The following C1S variants were observed in gnomAD, a reference collection of about 807,000 sequenced individuals.
C1S encodes the protein complement C1s.
In C1S, 31 loss-of-function variants were observed where a neutral mutation model predicts 54.0. The observed-to-expected ratio is 0.57, with a 90% CI of 0.43 to 0.78. The LOEUF (loss-of-function observed/expected upper bound fraction) is 0.78, where lower values mean the gene tolerates loss of function less well. Ranked by LOEUF, C1S falls within the 30% of genes least tolerant of loss-of-function variation. C1S has a pLI of 0.00. For synonymous variants in C1S, 292 were observed against 303.6 expected (o/e 0.96, Z 0.40); for missense variants, 727 against 851.8 (o/e 0.85, Z 1.82).
chr12:7,068,054 G>C (rs1442515654), intron 10 of C1S, among the ~76,000 whole-genome samples: 1 of 152,166 alleles, frequency 6.6e-6, no homozygotes, highest in South Asian at 2.1e-4. Context: ...CTTTTGACCA[G>C]TTATTTCATG....
At chr12:7,065,740 T>A in intron 6 of C1S, 77 bp from the exon 7 acceptor site, 1 of 1,206,698 alleles carries the variant, frequency 8.3e-7, no homozygotes, top group South Asian at 1.2e-5. Flanking sequence ...ATGCCTCTTT[T>A]ATTTGTATCT....
At position 7,065,977 on chromosome 12, in the gene C1S, A is replaced by G. The variant is rs1555162157; in HGVS notation, c.871+7A>G. On this transcript the variant is annotated splice_region_variant and intron_variant, in intron 7 of 11. Transcript: ENST00000360817. ...CTTCGCTATCATGGAGATCGTGAGTAACTTAGAAGTGCCTCTTTGGTTGGT... is the reference window on the plus strand; with the variant it reads ...CTTCGCTATCATGGAGATCGTGAGTGACTTAGAAGTGCCTCTTTGGTTGGT... The G allele has an allele frequency of 6.2e-7, 1 of 1,613,306 alleles. No individual in the cohort carries two copies. Among genetic ancestry groups the G allele is most frequent in the African/African-American group, 1.3e-5 (1 of 74,908 alleles).
Position 7,070,339 on chromosome 12 carries a change from A to G in C1S, c.1755A>G (p.Ala585=). The part of the protein sequence containing the change: ...KRDRAVRLKA[A]RLPVAPLRKC... ...ATCGTGCTGTTCGCCTCAAGGCGGCAAGGTTACCTGTAGCTCCTTTAAGAA... is the reference window on the plus strand; with the variant it reads ...ATCGTGCTGTTCGCCTCAAGGCGGCGAGGTTACCTGTAGCTCCTTTAAGAA... The change falls in exon 12 of 12, where the codon GCA becomes GCG. Residue 585 remains alanine (A), a synonymous_variant. Transcript: ENST00000360817. The surrounding 1 kb of genome is among the most constrained non-coding windows in gnomAD (Gnocchi z 4.9). 6.2e-7 allele frequency: 1 copy of G among 1,614,258 alleles called. No homozygotes were observed. The highest frequency in any genetic ancestry group is 1.3e-5 in the African/African-American group (1 of 75,072).
intron 9 of C1S, 171 bp downstream of exon 9, chr12:7,067,288 T>C (rs1555162429): frequency 2.9e-6 from 2 of 678,290 alleles, no homozygotes; most frequent in Non-Finnish European, 5.3e-6. Context: ...CCGCATCTGG[T>C]CCCAGGCCAA....
At chr12:7,069,809 A>G in intron 11 of C1S, 46 bp from the exon 12 acceptor site, 3 of 1,486,992 alleles carry the variant, frequency 2.0e-6, no homozygotes, top group Non-Finnish European at 2.8e-6. Flanking sequence ...GCAGGAAGCC[A>G]GCATCATTTC....
At chr12:7,067,305 C>T (rs1008843242) in intron 9 of C1S, 188 bp downstream of exon 9, 5 of 651,892 alleles carry the variant, frequency 7.7e-6, no homozygotes, top group Non-Finnish European at 1.4e-5. Context: ...CCAACTAGAT[C>T]GGCATGTTTC....
chr12:7,064,745 T>C (rs1555161829), intron 5 of C1S, among the ~76,000 whole-genome samples: 3 of 152,130 alleles, frequency 2.0e-5, no homozygotes, highest in African/African-American at 7.2e-5. Flanking sequence ...TATTGGCATC[T>C]ATTCTTAGTT....
intron 7 of C1S, 60 bp from the exon 8 acceptor site, chr12:7,066,458 A>G (rs1000056659): frequency 1.1e-6 from 1 of 929,072 alleles, no homozygotes; most frequent in Non-Finnish European, 1.8e-6. Flanking sequence ...TGTAAATAGA[A>G]TGAGAGTCTT....
chr12:7,065,968 A>C lies in C1S; in HGVS notation c.869A>C (p.Asp290Ala). Residue 290 changes from aspartate to alanine, a missense_variant and splice_region_variant, in exon 7 of 12, where the codon GAT becomes GCT. Asp to Ala is a moderately radical substitution (Grantham distance 126, BLOSUM62 -2). Around this residue, in one of 3 missense-constraint regions of C1S, gnomAD observed 357 missense variants for 365.4 expected, o/e 0.98. Coordinates refer to ENST00000360817, the MANE Select transcript of C1S (RefSeq NM_001734.5). ...GGCTGGAAACTTCGCTATCATGGAGATCGTGAGTAACTTAGAAGTGCCTCT... is the reference window on the plus strand; with the variant it reads ...GGCTGGAAACTTCGCTATCATGGAGCTCGTGAGTAACTTAGAAGTGCCTCT... The part of the protein sequence containing the change: ...KKGWKLRYHG[D>A]PMPCPKEDTP... 6.2e-7 allele frequency: 1 copy of C among 1,613,850 alleles called. No homozygotes were observed. The highest frequency in any genetic ancestry group is 2.2e-5 in the East Asian group (1 of 44,870).
intron 1 of C1S, chr12:7,061,609 A>G: frequency 4.2e-6 from 2 of 478,254 alleles, no homozygotes; most frequent in Non-Finnish European, 7.7e-6. Flanking sequence ...AAAAATTAGG[A>G]GAAAGTCTAG....
rs73046137 is a variant in C1S, at chr12:7,068,573, G to C, written c.1270+43G>C. The C allele has an allele frequency of 3.5e-3, 4,739 of 1,337,242 alleles. 16 individuals carry two copies. The highest frequency in any genetic ancestry group is 4.6e-3 in the Non-Finnish European group (4,292 of 927,920). The allele number at this position is 1,337,242 out of a possible 1,614,324, so 82.8% of individuals were successfully genotyped here. A position where few individuals can be genotyped will look rare whatever the true frequency, so the allele number is the denominator to read the frequency against. The stretch of plus-strand genomic sequence containing the variant: ...TTGGGGAGAGATGATAGCCATGGGT[G>C]ACTGGGAGTCACCTTCTGAAAGCAA... On this transcript the variant is annotated intron_variant, in intron 11 of 11. Transcript: ENST00000360817.
chr12:7,066,855 G>T, intron 8 of C1S, 184 bp from the exon 9 acceptor site: 1 of 708,256 alleles, frequency 1.4e-6, no homozygotes. Flanking sequence ...AAGGGGAGTT[G>T]ACACGTTGGG....
Position 7,064,395 on chromosome 12 carries a change from G to A in C1S, c.517+3G>A. On this transcript the variant is annotated splice_donor_region_variant and intron_variant, in intron 5 of 11. Transcript: ENST00000360817. ...TGATGACATGAAGAATTGCGGAGGTGAGCTTGGTGTTAAGAGGGTTGCATG... is the reference window on the plus strand; with the variant it reads ...TGATGACATGAAGAATTGCGGAGGTAAGCTTGGTGTTAAGAGGGTTGCATG... 1.2e-6 allele frequency: 2 copies of A among 1,614,104 alleles called. No homozygotes were observed. Among genetic ancestry groups the A allele is most frequent in the Non-Finnish European group, 1.7e-6 (2 of 1,179,992 alleles).
intron 11 of C1S, among the ~76,000 whole-genome samples, chr12:7,069,408 T>C (rs1417771421): frequency 1.3e-5 from 2 of 152,164 alleles, no homozygotes; most frequent in Non-Finnish European, 2.9e-5. Context: ...AAGAAGGTGA[T>C]TAAAGTTTGA....
chr12:7,067,431 A>G, intron 9 of C1S: 2 of 714,702 alleles, frequency 2.8e-6, no homozygotes, highest in East Asian at 2.5e-5. Flanking sequence ...TACGGCTTTC[A>G]TGGGGCCATC....
rs1937839888 is a variant in C1S, at chr12:7,070,879, T to G, written c.*228T>G. 1 of 570,268 alleles carries G rather than the reference T, an allele frequency of 1.8e-6. No individual in the cohort carries two copies. The highest frequency in any genetic ancestry group is 2.9e-5 in the Admixed American group (1 of 34,854). 35.3% of individuals were successfully genotyped at this position (570,268 alleles called of 1,614,324 possible). A position where few individuals can be genotyped will look rare whatever the true frequency, so the allele number is the denominator to read the frequency against. On this transcript the variant is annotated 3_prime_UTR_variant, in exon 12 of 12. Coordinates refer to ENST00000360817, the MANE Select transcript of C1S (RefSeq NM_001734.5). This position sits in a 1 kb window ranked among gnomAD's most constrained non-coding sequence, Gnocchi z 4.9. Reference sequence around the variant, plus strand: ...GGGGTCCTTTCCCCGGAGTACCTATTGTAGATAACACTATGGGTGGGGCAC... The same window carrying G: ...GGGGTCCTTTCCCCGGAGTACCTATGGTAGATAACACTATGGGTGGGGCAC...
rs1947167978 is a variant in C1S, at chr12:7,065,857, A to G, written c.758A>G (p.His253Arg). ...CGGCAATTTGGTCCTTACTGTGGTC[A>G]TGGATTCCCTGGGCCTCTAAATATT... ...GDRQFGPYCG[H>R]GFPGPLNIET... is the part of the protein sequence containing the mutation. The change falls in exon 7 of 12, where the codon CAT (histidine) becomes CGT (arginine). Residue 253 changes from histidine (H) to arginine (R), a missense_variant. His to Arg is a conservative substitution (Grantham distance 29). Around this residue, in one of 3 missense-constraint regions of C1S, gnomAD observed 357 missense variants for 365.4 expected, o/e 0.98. Coordinates refer to ENST00000360817, the MANE Select transcript of C1S (RefSeq NM_001734.5). 6 of 1,612,878 alleles carry G rather than the reference A, an allele frequency of 3.7e-6. No individual in the cohort carries two copies. Among genetic ancestry groups the G allele is most frequent in the Admixed American group, 1.7e-5 (1 of 59,964 alleles).
chr12:7,066,160 AC>A (rs1947174144), intron 7 of C1S, 190 bp downstream of exon 7: 2 of 645,484 alleles, frequency 3.1e-6, no homozygotes, highest in East Asian at 5.4e-5. Flanking sequence ...ACAGAGCAAA[AC>A]CTTGTCTCTA....
At chr12:7,065,375 A>C (rs781867147) in intron 6 of C1S, 76 bp downstream of exon 6, 1 of 1,058,312 alleles carries the variant, frequency 9.4e-7, no homozygotes, top group Admixed American at 1.8e-5. Flanking sequence ...TTTTTTTTTC[A>C]TACAGCATCT....
Sources: allele counts gnomAD v4.1 joint callset (sites outside exome capture counted in the v4.1 genomes callset), GRCh38; gene constraint gnomAD v4.1.1; regional missense constraint gnomAD v4.1.1; non-coding constraint Gnocchi (gnomAD v3.1); transcripts MANE v1.5; gene names NCBI Gene and HGNC (gene_info 2026-07-23, HGNC 2026-07-21).